Variants in PCDH15 observed in about 807,000 individuals in gnomAD.
The protein encoded by PCDH15 is protocadherin related 15, also known as protocadherin-15.
A neutral mutation model predicts 178.5 loss-of-function variants in PCDH15; 129 were observed. That is an observed-to-expected ratio of 0.72 (90% CI 0.63 to 0.84). The LOEUF (loss-of-function observed/expected upper bound fraction) is 0.84. PCDH15 is among the 40% of genes least tolerant of loss of function. The pLI is 0.00. For synonymous variants in PCDH15, 800 were observed against 732.0 expected, an observed-to-expected ratio of 1.09 and a Z score of -1.50; for missense variants, 2,230 against 2,099.9, an observed-to-expected ratio of 1.06 and a Z score of -1.21.
chr10:54,481,901 C>A (rs1356475560), intron 3 of PCDH15, among the ~76,000 whole-genome samples: 1 of 151,708 alleles, frequency 6.6e-6, no homozygotes, highest in Non-Finnish European at 1.5e-5. Context: ...GCAAGTCAGT[C>A]TGTATTGCAT....
At chr10:54,866,785 A>C (rs949672158) in intron 3 of PCDH15, among the ~76,000 whole-genome samples, 6 of 147,212 alleles carry the variant, frequency 4.1e-5, no homozygotes, top group Non-Finnish European at 7.5e-5. Context: ...GATAGACAGT[A>C]GGTTGGTGGT....
intron 3 of PCDH15, among the ~76,000 whole-genome samples, chr10:54,515,229 A>G (rs2082088933): frequency 6.6e-6 from 1 of 152,220 alleles, no homozygotes; most frequent in Non-Finnish European, 1.5e-5. Context: ...TCCTAGTCAA[A>G]GAAAGGGGTG....
chr10:54,280,724 A>G (rs2058644616), intron 8 of PCDH15, among the ~76,000 whole-genome samples: 1 of 151,788 alleles, frequency 6.6e-6, no homozygotes, highest in Non-Finnish European at 1.5e-5. Context: ...TCAAGTGGAC[A>G]CTGTCGGCTT....
intron 3 of PCDH15, among the ~76,000 whole-genome samples, chr10:54,456,767 C>G (rs1325619364): frequency 6.6e-6 from 1 of 152,088 alleles, no homozygotes; most frequent in Non-Finnish European, 1.5e-5. Flanking sequence ...ATGGGAGGGA[C>G]ACAGTGGGAG....
At chr10:54,837,815 G>A (rs1225433933) in intron 3 of PCDH15, among the ~76,000 whole-genome samples, 1 of 152,046 alleles carries the variant, frequency 6.6e-6, no homozygotes, top group African/African-American at 2.4e-5. Flanking sequence ...AAATAGAGGA[G>A]GGTCACTTTG....
chr10:53,861,423 A>G (rs1174177974), intron 27 of PCDH15, among the ~76,000 whole-genome samples: 1 of 152,182 alleles, frequency 6.6e-6, no homozygotes, highest in African/African-American at 2.4e-5. Flanking sequence ...AAATTAAAAA[A>G]GCAATGGTTG....
intron 2 of PCDH15, among the ~76,000 whole-genome samples, chr10:55,607,839 G>A (rs1418646356): frequency 6.6e-6 from 1 of 150,520 alleles, no homozygotes; most frequent in Non-Finnish European, 1.5e-5. Flanking sequence ...CATGGCACAT[G>A]TATACATATG....
intron 2 of PCDH15, among the ~76,000 whole-genome samples, chr10:55,528,628 G>T (rs187513196): frequency 1.3e-3 from 202 of 152,174 alleles, no homozygotes; most frequent in African/African-American, 4.7e-3. Context: ...GTCTTTCATT[G>T]TTGGACATTT....
At chr10:54,008,238 C>A (rs1259406471) in intron 20 of PCDH15, among the ~76,000 whole-genome samples, 1 of 152,144 alleles carries the variant, frequency 6.6e-6, no homozygotes, top group African/African-American at 2.4e-5. Flanking sequence ...TAGGCAATGA[C>A]TTTGCATGAG....
chr10:53,883,170 T>TAA (rs2080854029), intron 26 of PCDH15, among the ~76,000 whole-genome samples: 1 of 58,580 alleles, frequency 1.7e-5, no homozygotes, highest in African/African-American at 1.1e-4. Context: ...CACATATGCA[T>TAA]ACACATACAT....
intron 2 of PCDH15, among the ~76,000 whole-genome samples, chr10:55,088,518 C>T (rs1055944650): frequency 2.0e-5 from 3 of 152,148 alleles, no homozygotes; most frequent in Non-Finnish European, 4.4e-5. Context: ...AAGTGATATG[C>T]CTGCCTTGGA....
At chr10:54,901,694 T>C (rs1043711480) in intron 2 of PCDH15, among the ~76,000 whole-genome samples, 1 of 152,146 alleles carries the variant, frequency 6.6e-6, no homozygotes, top group African/African-American at 2.4e-5. Context: ...TTATAATCCA[T>C]TACTTCTATA....
intron 2 of PCDH15, among the ~76,000 whole-genome samples, chr10:54,648,937 A>G (rs2094193986): frequency 6.6e-6 from 1 of 152,172 alleles, no homozygotes; most frequent in South Asian, 2.1e-4. Context: ...CTTTTAAAAC[A>G]TTATCTAAGT....
intron 23 of PCDH15, among the ~76,000 whole-genome samples, chr10:53,943,976 G>T (rs923883376): frequency 1.3e-5 from 2 of 152,072 alleles, no homozygotes; most frequent in Non-Finnish European, 2.9e-5. Context: ...GAGGCAAATT[G>T]CATACTCTCT....
intron 32 of PCDH15, chr10:53,825,164 CAGAAAACATGTGATAGAAAAAA>C: frequency 6.5e-7 from 1 of 1,529,878 alleles, no homozygotes; most frequent in Non-Finnish European, 8.8e-7. Flanking sequence ...AGGTGAGAAA[CAGAAAACATGTGATAGAAAAAA>C]AGAAGTTTTT....
In PCDH15 at chr10:53,940,873, A is replaced by C. The variant is rs746404657; in HGVS notation, c.3225T>G (p.Asn1075Lys). The C allele has an allele frequency of 6.2e-7, 1 of 1,609,496 alleles. No individual in the cohort carries two copies. Among genetic ancestry groups the C allele is most frequent in the South Asian group, 1.1e-5 (1 of 90,992 alleles). Reference sequence around the variant, plus strand: ...AACTAAAAGTCTACTCACCTTCTTCATTTCCTGAAACAATGGAGTACACAA... The same window carrying C: ...AACTAAAAGTCTACTCACCTTCTTCCTTTCCTGAAACAATGGAGTACACAA... Reference protein sequence around the residue: ...QSIVYSIVSGNEEDTFGINNI... With the variant: ...QSIVYSIVSGKEEDTFGINNI... Residue 1075 changes from asparagine (N) to lysine (K), a missense_variant, in exon 24 of 38, where the codon AAT (asparagine) becomes AAG (lysine). By Grantham distance (94) the Asn-to-Lys change is moderately conservative. Transcript: ENST00000644397.
At chr10:55,437,962 C>T (rs749990445) in intron 2 of PCDH15, among the ~76,000 whole-genome samples, 13 of 151,422 alleles carry the variant, frequency 8.6e-5, no homozygotes, top group Non-Finnish European at 1.6e-4. Context: ...CTCAGCCTCC[C>T]GGGTACCTAG....
chr10:53,934,879 T>G (rs2085427635), intron 25 of PCDH15, among the ~76,000 whole-genome samples: 2 of 151,624 alleles, frequency 1.3e-5, no homozygotes, highest in Non-Finnish European at 2.9e-5. Flanking sequence ...CAGTTTCTAT[T>G]GCACAAGAGC....
chr10:55,001,205 G>A (rs562513613), intron 2 of PCDH15, among the ~76,000 whole-genome samples: 15 of 152,130 alleles, frequency 9.9e-5, no homozygotes, highest in South Asian at 2.1e-4. Flanking sequence ...TACCCACTTC[G>A]GGTCTCCTGA....
Sources: gnomAD v4.1 joint callset for allele counts (sites outside exome capture counted in the v4.1 genomes callset) on GRCh38, gnomAD v4.1.1 for gene constraint, MANE v1.5 for transcripts, NCBI Gene and HGNC (gene_info 2026-07-23, HGNC 2026-07-21) for gene names.